PYGB: variants seen among roughly 807,000 people sequenced by gnomAD.
PYGB encodes glycogen phosphorylase B.
In PYGB, 82 loss-of-function variants were observed where a neutral mutation model predicts 94.3. That is an observed-to-expected ratio of 0.87 (90% CI 0.73 to 1.04). PYGB has a LOEUF of 1.04. Among genes scored for constraint, PYGB ranks in the 50% least tolerant of loss-of-function variants. PYGB has a pLI of 0.00. For missense variants in PYGB, 1,132 were observed against 1,158.2 expected, an observed-to-expected ratio of 0.98 and a Z score of 0.33; for synonymous variants, 488 against 479.1, an observed-to-expected ratio of 1.02 and a Z score of -0.24.
intron 16 of PYGB, among the ~76,000 whole-genome samples, chr20:25,291,908 C>G (rs1419943275): frequency 6.8e-6 from 1 of 146,352 alleles, no homozygotes; most frequent in Non-Finnish European, 1.5e-5. Context: ...GGGACAGGCA[C>G]AGAGAAAGCG....
intron 11 of PYGB, among the ~76,000 whole-genome samples, chr20:25,281,633 C>T (rs1427028602): frequency 2.6e-5 from 4 of 152,088 alleles, no homozygotes; most frequent in African/African-American, 7.2e-5. Context: ...AGGCTCTGTG[C>T]GTGGCGCCCG....
intron 19 of PYGB, 90 bp from the exon 20 acceptor site, chr20:25,296,280 T>C: frequency 1.3e-6 from 2 of 1,514,416 alleles, no homozygotes. Flanking sequence ...GGAGCTCATT[T>C]GGAAACAGTC....
At chr20:25,270,897 GCCC>G (rs913422033) in intron 3 of PYGB, among the ~76,000 whole-genome samples, 4 of 152,212 alleles carry the variant, frequency 2.6e-5, no homozygotes, top group Non-Finnish European at 5.9e-5. Flanking sequence ...GCGCCTTGGG[GCCC>G]CTGGTACTGC....
chr20:25,280,204 CA>C, intron 9 of PYGB, 61 bp from the exon 10 acceptor site: 1 of 1,580,130 alleles, frequency 6.3e-7, no homozygotes. Flanking sequence ...CCTGCCTAGG[CA>C]ACTGGCCAGA....
intron 14 of PYGB, among the ~76,000 whole-genome samples, chr20:25,287,024 A>C (rs2088424136): frequency 6.6e-6 from 1 of 151,964 alleles, no homozygotes; most frequent in South Asian, 2.1e-4. Context: ...CATCAGCCCG[A>C]CTCCCTGCTG....
intron 19 of PYGB, 113 bp downstream of exon 19, chr20:25,295,783 G>C: frequency 1.6e-6 from 2 of 1,215,380 alleles, no homozygotes; most frequent in Middle Eastern, 1.9e-4. Context: ...GGGCCAGAGG[G>C]GTTTGTGATT....
chr20:25,267,059 A>T (rs893982791), intron 2 of PYGB, among the ~76,000 whole-genome samples: 5 of 152,252 alleles, frequency 3.3e-5, no homozygotes, highest in African/African-American at 1.2e-4. Context: ...AGCATTATTC[A>T]TAACAGCCAA....
chr20:25,262,688 A>AAGACCCATCAGTGTGCTGTATTCAGG (rs1486044169), intron 2 of PYGB, among the ~76,000 whole-genome samples: 2 of 145,058 alleles, frequency 1.4e-5, no homozygotes, highest in Middle Eastern at 3.2e-3. Flanking sequence ...ATAAAGAGTC[A>AAGACCCATCAGTGTGCTGTATTCAGG]AGACCCATCA....
intron 2 of PYGB, among the ~76,000 whole-genome samples, chr20:25,259,942 G>A (rs894785662): frequency 6.6e-6 from 1 of 152,094 alleles, no homozygotes; most frequent in Admixed American, 6.5e-5. Context: ...TTTTACCTGC[G>A]CATAGATGGG....
chr20:25,251,801 T>C (rs2092888798), intron 1 of PYGB, among the ~76,000 whole-genome samples: 3 of 152,210 alleles, frequency 2.0e-5, no homozygotes. Context: ...TCCCATAAGC[T>C]CCTGGCATGA....
intron 17 of PYGB, 97 bp from the exon 18 acceptor site, chr20:25,294,061 C>T: frequency 6.6e-7 from 1 of 1,524,566 alleles, no homozygotes; most frequent in Non-Finnish European, 8.8e-7. Context: ...CCAGGGCCAT[C>T]CTGGGGCAGG....
chr20:25,295,844 C>T (rs2088533861), intron 19 of PYGB, among the ~76,000 whole-genome samples, 174 bp downstream of exon 19: 1 of 152,226 alleles, frequency 6.6e-6, no homozygotes, highest in Non-Finnish European at 1.5e-5. Flanking sequence ...CTGTCACTGT[C>T]AATGTCACTC....
In PYGB at chr20:25,279,093, T is replaced by C. The variant is rs773055392; in HGVS notation, c.1036T>C (p.Ser346Pro). ...IQLNDTHPAL[S>P]IPELMRILVD... is the part of the protein sequence containing the mutation. ...GCTGAACGACACCCACCCCGCCCTC[T>C]CCATCCCTGAGCTCATGCGGATCCT... The change falls in exon 9 of 20, where the codon TCC (serine) becomes CCC (proline). Residue 346 changes from serine (S) to proline (P), a missense_variant. Coordinates refer to ENST00000216962, the MANE Select transcript of PYGB (RefSeq NM_002862.4). 4 of 1,613,856 alleles carry C rather than the reference T, an allele frequency of 2.5e-6. No homozygotes were observed. The highest frequency in any genetic ancestry group is 3.4e-6 in the Non-Finnish European group (4 of 1,179,826).
chr20:25,290,965 G>T (rs1441308905), intron 16 of PYGB, among the ~76,000 whole-genome samples: 1 of 151,898 alleles, frequency 6.6e-6, no homozygotes, highest in African/African-American at 2.4e-5. Context: ...CCCTCTGCTG[G>T]CAGGACCTGC....
intron 15 of PYGB, 74 bp downstream of exon 15, chr20:25,288,557 T>G (rs1195360134): frequency 1.3e-6 from 2 of 1,509,536 alleles, no homozygotes; most frequent in East Asian, 2.3e-5. Flanking sequence ...TGCACGCTTC[T>G]CATGGTGCCA....
intron 4 of PYGB, 141 bp from the exon 5 acceptor site, chr20:25,274,451 T>C (rs2088292535): frequency 8.2e-7 from 1 of 1,226,724 alleles, no homozygotes; most frequent in East Asian, 2.6e-5. Flanking sequence ...GAAGTGGGAA[T>C]CCCGACCTGG....
intron 4 of PYGB, 140 bp from the exon 5 acceptor site, chr20:25,274,452 C>T (rs2088292560): frequency 6.5e-6 from 8 of 1,232,840 alleles, no homozygotes; most frequent in Admixed American, 3.1e-5. Context: ...AAGTGGGAAT[C>T]CCGACCTGGT....
At chr20:25,283,355 A>T (rs1217661500) in intron 13 of PYGB, 78 bp downstream of exon 13, 1 of 1,304,634 alleles carries the variant, frequency 7.7e-7, no homozygotes, top group African/African-American at 1.5e-5. Flanking sequence ...TAGCCCTCCT[A>T]CAGGCCCAGC....
intron 5 of PYGB, among the ~76,000 whole-genome samples, chr20:25,275,184 G>A (rs777191330): frequency 1.3e-5 from 2 of 152,278 alleles, no homozygotes; most frequent in Non-Finnish European, 2.9e-5. Context: ...GGCTCTCAAA[G>A]CGTCAACTGT....
Sources: allele counts gnomAD v4.1 joint callset (sites outside exome capture counted in the v4.1 genomes callset), GRCh38; gene constraint gnomAD v4.1.1; transcripts MANE v1.5; gene names NCBI Gene and HGNC (gene_info 2026-07-23, HGNC 2026-07-21).